The following NIBAN1 variants were observed in gnomAD, a reference collection of about 807,000 sequenced individuals.
NIBAN1 encodes protein Niban 1.
Under a neutral mutation model 75.1 loss-of-function variants are expected in NIBAN1, and 81 were observed. The ratio of observed to expected loss-of-function variants is 1.08; its 90% CI spans 0.90 to 1.30. The LOEUF (loss-of-function observed/expected upper bound fraction) is 1.30, where lower values mean the gene tolerates loss of function less well. Ranked by LOEUF, NIBAN1 falls within the 50% of genes most tolerant of loss-of-function variation. The pLI is 0.00. For missense variants in NIBAN1, 1,133 were observed against 1,128.1 expected, an observed-to-expected ratio of 1.00 and a Z score of -0.06; for synonymous variants, 436 against 424.8, an observed-to-expected ratio of 1.03 and a Z score of -0.32.
chr1:184,973,603 T>C (rs188134403), intron 1 of NIBAN1, among the ~76,000 whole-genome samples: 293 of 152,222 alleles, frequency 1.9e-3, no homozygotes, highest in African/African-American at 6.5e-3. Flanking sequence ...TTGGGTTTTG[T>C]TTTGTTTGTT....
At chr1:184,837,902 T>C (rs149365223) in intron 5 of NIBAN1, among the ~76,000 whole-genome samples, 177 of 152,346 alleles carry the variant, frequency 1.2e-3, no homozygotes, top group African/African-American at 4.1e-3. Context: ...GCGTATCTTT[T>C]GAATCTTTTT....
At chr1:184,921,176 A>T (rs1325162822) in intron 1 of NIBAN1, among the ~76,000 whole-genome samples, 2 of 151,970 alleles carry the variant, frequency 1.3e-5, no homozygotes, top group Non-Finnish European at 2.9e-5. Flanking sequence ...ACATGGCTGT[A>T]ATCCCAACTA....
chr1:184,864,265 G>A (rs1233254593), intron 5 of NIBAN1, among the ~76,000 whole-genome samples: 1 of 152,194 alleles, frequency 6.6e-6, no homozygotes, highest in Non-Finnish European at 1.5e-5. Flanking sequence ...CACGGTAAGT[G>A]CTCAATAAAT....
chr1:184,930,491 A>T (rs926590923), intron 1 of NIBAN1, among the ~76,000 whole-genome samples: 1 of 152,214 alleles, frequency 6.6e-6, no homozygotes, highest in African/African-American at 2.4e-5. Context: ...GTTCAAAGTG[A>T]TAAGAAGGAA....
chr1:184,929,559 TAGA>T lies in NIBAN1; in HGVS notation c.56-30253_56-30251del, dbSNP rs1256489797. Among the ~76,000 whole-genome samples, 6 of 152,300 alleles carry T rather than the reference TAGA, an allele frequency of 3.9e-5. No individual in the cohort carries two copies. In the East Asian group the frequency reaches 7.7e-4, roughly 20 times the overall value. Reference sequence around the variant, plus strand: ...TTTTTTTTTATAAATAGCAACTTCCTAGAAGATTTTTTTCACCTCCAAAAAAGA... The same window carrying T: ...TTTTTTTTTATAAATAGCAACTTCCTAGATTTTTTTCACCTCCAAAAAAGA... On this transcript the variant is annotated intron_variant, in intron 1 of 13. Coordinates refer to ENST00000367511, the MANE Select transcript of NIBAN1 (RefSeq NM_052966.4).
intron 1 of NIBAN1, among the ~76,000 whole-genome samples, chr1:184,902,944 C>A (rs745960029): frequency 1.1e-4 from 17 of 152,150 alleles, no homozygotes; most frequent in Non-Finnish European, 2.1e-4. Flanking sequence ...ATTAGTTGAT[C>A]AATCAATTTT....
intron 1 of NIBAN1, among the ~76,000 whole-genome samples, chr1:184,947,627 C>G (rs946143765): frequency 6.6e-6 from 1 of 152,160 alleles, no homozygotes; most frequent in Non-Finnish European, 1.5e-5. Context: ...GTATATTGAA[C>G]CCCCCTTCCT....
chr1:184,901,760 T>C (rs1461858202), intron 1 of NIBAN1, among the ~76,000 whole-genome samples: 2 of 152,214 alleles, frequency 1.3e-5, no homozygotes, highest in African/African-American at 4.8e-5. Context: ...GCCCTGCTTC[T>C]GGTGAGGTGC....
intron 5 of NIBAN1, chr1:184,868,237 A>T (rs1656008317): frequency 5.2e-6 from 1 of 191,282 alleles, no homozygotes; most frequent in Non-Finnish European, 9.6e-6. Context: ...TGTGGTCTCC[A>T]AAAGAAAATG....
At chr1:184,861,294 C>T (rs906393155) in intron 5 of NIBAN1, among the ~76,000 whole-genome samples, 1 of 152,196 alleles carries the variant, frequency 6.6e-6, no homozygotes, top group Non-Finnish European at 1.5e-5. Flanking sequence ...TAAATCAAGT[C>T]CCTCTTATAA....
chr1:184,951,392 G>A (rs1658353494), intron 1 of NIBAN1, among the ~76,000 whole-genome samples: 1 of 152,162 alleles, frequency 6.6e-6, no homozygotes. Flanking sequence ...ATCTTAGCCT[G>A]TCCAAAAGTG....
chr1:184,960,259 A>G (rs138711177), intron 1 of NIBAN1, among the ~76,000 whole-genome samples: 13 of 152,298 alleles, frequency 8.5e-5, no homozygotes, highest in African/African-American at 3.1e-4. Context: ...ATTTAGATGC[A>G]AGATCCCCTC....
chr1:184,916,566 C>T (rs181010790), intron 1 of NIBAN1, among the ~76,000 whole-genome samples: 74 of 152,028 alleles, frequency 4.9e-4, no homozygotes, highest in African/African-American at 1.7e-3. Flanking sequence ...CCAAATAAAC[C>T]ATATACAACT....
intron 5 of NIBAN1, among the ~76,000 whole-genome samples, chr1:184,862,956 G>A (rs1655855137): frequency 6.6e-6 from 1 of 152,014 alleles, no homozygotes; most frequent in Non-Finnish European, 1.5e-5. Flanking sequence ...ATTAAGCCCA[G>A]TATCTGGTAT....
chr1:184,823,356 A>C (rs1654756341), intron 7 of NIBAN1, 27 bp from the exon 8 acceptor site: 2 of 1,612,698 alleles, frequency 1.2e-6, no homozygotes, highest in East Asian at 4.5e-5. Flanking sequence ...CACATAAATC[A>C]GGGCTCTGTC....
chr1:184,814,947 G>T (rs1654486407), intron 9 of NIBAN1, among the ~76,000 whole-genome samples: 1 of 152,138 alleles, frequency 6.6e-6, no homozygotes. Flanking sequence ...GTTATTAAAG[G>T]TTCTGCATTC....
chr1:184,804,608 A>G (rs566953558), intron 11 of NIBAN1, among the ~76,000 whole-genome samples: 1 of 152,058 alleles, frequency 6.6e-6, no homozygotes, highest in Admixed American at 6.5e-5. Flanking sequence ...AACTAAAGGC[A>G]CTCAAAATCT....
intron 5 of NIBAN1, among the ~76,000 whole-genome samples, chr1:184,837,848 A>G (rs141733544): frequency 6.6e-6 from 1 of 152,330 alleles, no homozygotes; most frequent in Non-Finnish European, 1.5e-5. Context: ...AAAAAACAGT[A>G]ATCAGCTGAA....
chr1:184,815,067 G>GA (rs1236932247), intron 9 of NIBAN1, among the ~76,000 whole-genome samples: 5 of 152,120 alleles, frequency 3.3e-5, no homozygotes, highest in Admixed American at 6.5e-5. Context: ...TATTCCTGGG[G>GA]AAAAAATTAA....
Sources: allele counts gnomAD v4.1 joint callset (sites outside exome capture counted in the v4.1 genomes callset), GRCh38; gene constraint gnomAD v4.1.1; transcripts MANE v1.5; gene names NCBI Gene and HGNC (gene_info 2026-07-23, HGNC 2026-07-21).